Variants in LPIN1 observed in about 807,000 individuals in gnomAD.
LPIN1 encodes the protein lipin 1, also known as phosphatidate phosphatase LPIN1.
In LPIN1, 71 loss-of-function variants were observed where a neutral mutation model predicts 107.5. The observed-to-expected ratio is 0.66, with a 90% CI of 0.55 to 0.80. LPIN1 has a LOEUF of 0.80. LPIN1 is among the 30% of genes least tolerant of loss of function. The pLI, the probability that LPIN1 is intolerant of heterozygous loss-of-function variation, is 0.00. For missense variants in LPIN1, 1,043 were observed against 1,160.6 expected (o/e 0.90, Z 1.47); for synonymous variants, 445 against 452.6 (o/e 0.98, Z 0.21).
intron 14 of LPIN1, among the ~76,000 whole-genome samples, chr2:11,798,415 A>G (rs1677105242): frequency 6.6e-6 from 1 of 152,210 alleles, no homozygotes; most frequent in Non-Finnish European, 1.5e-5. Context: ...CCTTCTAGAC[A>G]TAGCAGGCAG....
At position 11,765,723 on chromosome 2, in the gene LPIN1, G is replaced by T; in HGVS notation, c.182G>T (p.Arg61Leu). 6.2e-7 allele frequency: 1 copy of T among 1,610,444 alleles called. No homozygotes were observed. Among genetic ancestry groups the T allele is most frequent in the Non-Finnish European group, 8.5e-7 (1 of 1,177,116 alleles). ...GGGAAGATGGGGGTCCTGCGCTCCC[G>T]AGAGAAAGTGGTGAGCTCTCAGGGC... is the stretch of plus-strand genomic sequence containing the variant. ...RFGKMGVLRS[R>L]EKVVDIEING... is the part of the protein sequence containing the mutation. The change falls in exon 2 of 21, where the codon CGA becomes CTA. Residue 61 changes from arginine (R) to leucine (L), a missense_variant. Transcript: ENST00000674199. This position sits in a 1 kb window ranked among gnomAD's most constrained non-coding sequence, Gnocchi z 4.4.
chr2:11,778,495 A>ACAAGG (rs1673033758), intron 6 of LPIN1, among the ~76,000 whole-genome samples: 2 of 152,348 alleles, frequency 1.3e-5, no homozygotes, highest in East Asian at 3.9e-4. Flanking sequence ...CTCACCTTGT[A>ACAAGG]TTGACAGGAA....
chr2:11,682,479 C>T (rs907893947), intron 1 of LPIN1: 1 of 152,698 alleles, frequency 6.5e-6, no homozygotes, highest in South Asian at 2.1e-4. Context: ...GCACCGGTGA[C>T]AGCCCTAGTC....
At chr2:11,722,997 T>C (rs189452564), upstream of LPIN1, among the ~76,000 whole-genome samples, 2 of 152,344 alleles carry the variant, frequency 1.3e-5, no homozygotes, top group East Asian at 3.9e-4. Flanking sequence ...CTTTGAACAT[T>C]AGAGCATACT....
At chr2:11,759,150 TTTC>T (rs1459143397) in intron 1 of LPIN1, among the ~76,000 whole-genome samples, 2 of 145,064 alleles carry the variant, frequency 1.4e-5, no homozygotes, top group Non-Finnish European at 1.5e-5. Flanking sequence ...TCTTTCTTTC[TTTC>T]TTTCTTTCTT....
At chr2:11,817,464 C>T (rs1680760968) in intron 18 of LPIN1, 1 of 152,240 alleles carries the variant, frequency 6.6e-6, no homozygotes, top group Non-Finnish European at 1.5e-5. Context: ...AAAGTCTTCT[C>T]TGACCTGTGG....
chr2:11,770,030 A>G (rs1302275860), intron 3 of LPIN1, among the ~76,000 whole-genome samples: 1 of 152,218 alleles, frequency 6.6e-6, no homozygotes, highest in Admixed American at 6.5e-5. Flanking sequence ...GGATCCCTGC[A>G]TACCTGCTCT....
chr2:11,751,155 G>A (rs1250155320), intron 1 of LPIN1, among the ~76,000 whole-genome samples: 2 of 152,170 alleles, frequency 1.3e-5, no homozygotes, highest in African/African-American at 4.8e-5. Context: ...GAGAACAAGC[G>A]TCACCTGGGG....
At chr2:11,768,901 A>C (rs1253193896) in intron 3 of LPIN1, among the ~76,000 whole-genome samples, 1 of 152,054 alleles carries the variant, frequency 6.6e-6, no homozygotes, top group Non-Finnish European at 1.5e-5. Context: ...GCGCCACTGC[A>C]CTCCAGCCTG....
At chr2:11,749,200 A>G (rs1350467026) in intron 1 of LPIN1, among the ~76,000 whole-genome samples, 1 of 152,216 alleles carries the variant, frequency 6.6e-6, no homozygotes, top group Non-Finnish European at 1.5e-5. Flanking sequence ...TTCATTCAGA[A>G]GAGGCCCAGG....
chr2:11,750,181 C>T (rs73917120), intron 1 of LPIN1, among the ~76,000 whole-genome samples: 6,212 of 152,206 alleles, frequency 0.041, 419 homozygotes, highest in African/African-American at 0.14. Flanking sequence ...AGTCGTCCTC[C>T]GCGTTCATGG....
chr2:11,773,336 C>G (rs768685339), intron 4 of LPIN1, among the ~76,000 whole-genome samples: 3 of 152,070 alleles, frequency 2.0e-5, no homozygotes, highest in Admixed American at 6.5e-5. Context: ...GGAGGTGGCA[C>G]GATGGGAGGA....
intron 1 of LPIN1, among the ~76,000 whole-genome samples, chr2:11,759,399 G>A (rs1165570731): frequency 1.3e-5 from 2 of 151,868 alleles, no homozygotes; most frequent in African/African-American, 4.8e-5. Context: ...CGAGCCTGCT[G>A]CCTTCAAGCA....
chr2:11,822,325 C>T (rs1681677527), intron 20 of LPIN1, among the ~76,000 whole-genome samples: 1 of 150,598 alleles, frequency 6.6e-6, no homozygotes, highest in Non-Finnish European at 1.5e-5. Context: ...GCAGCTTGCA[C>T]CTGTAATCCA....
Position 11,805,072 on chromosome 2 carries a change from C to G in LPIN1, c.2165C>G (p.Ser722Ter). 6.3e-7 allele frequency: 1 copy of G among 1,598,466 alleles called. No individual in the cohort carries two copies. Among genetic ancestry groups the G allele is most frequent in the Non-Finnish European group, 8.6e-7 (1 of 1,166,744 alleles). Reference protein sequence around the residue: ...ISDIDGTITRSDTLGHILPTL... With the variant: ...ISDIDGTITR The stretch of plus-strand genomic sequence containing the variant: ...TTTCTCTTTTCCTCTTCATTTAGAT[C>G]AGATACTCTTGGCCACATTTTGCCC... The change falls in exon 17 of 21, where the codon TCA becomes TGA. Residue 722 changes from serine (S) to a stop codon, truncating the protein, a stop_gained and splice_region_variant. Transcript: ENST00000674199. LOFTEE classifies it high-confidence loss of function.
intron 11 of LPIN1, 116 bp from the exon 12 acceptor site, chr2:11,788,271 G>T: frequency 1.3e-6 from 1 of 748,642 alleles, no homozygotes; most frequent in Non-Finnish European, 2.4e-6. Flanking sequence ...AGAGTATTGA[G>T]CTCTTTAAGG....
intron 1 of LPIN1, 53 bp downstream of exon 1, chr2:11,746,724 G>A (rs1419911745): frequency 1.2e-5 from 11 of 907,172 alleles, no homozygotes; most frequent in Non-Finnish European, 1.4e-5. Flanking sequence ...CCGCAGCCTC[G>A]GGTTAGGCGG....
chr2:11,766,580 G>A (rs564973416), intron 2 of LPIN1, among the ~76,000 whole-genome samples: 7 of 152,238 alleles, frequency 4.6e-5, no homozygotes, highest in African/African-American at 9.6e-5. Context: ...ACATGCACAC[G>A]TGCAACTGAG....
At chr2:11,807,689 A>G (rs1370304069) in intron 17 of LPIN1, among the ~76,000 whole-genome samples, 1 of 152,164 alleles carries the variant, frequency 6.6e-6, no homozygotes, top group Non-Finnish European at 1.5e-5. Flanking sequence ...CCGGAGCATG[A>G]TGTGACGTGG....
Sources: gnomAD v4.1 joint callset for allele counts (sites outside exome capture counted in the v4.1 genomes callset) on GRCh38, gnomAD v4.1.1 for gene constraint, Gnocchi (gnomAD v3.1) non-coding constraint, MANE v1.5 for transcripts, NCBI Gene and HGNC (gene_info 2026-07-23, HGNC 2026-07-21) for gene names.